Variants in LGR4 observed in about 807,000 individuals in gnomAD.
LGR4 encodes leucine rich repeat containing G protein-coupled receptor 4.
LGR4 carries 44 observed loss-of-function variants against 84.8 expected under a neutral mutation model. The ratio of observed to expected loss-of-function variants is 0.52; its 90% CI spans 0.41 to 0.67. The LOEUF is 0.67. Among genes scored for constraint, LGR4 ranks in the 30% least tolerant of loss-of-function variants. The pLI is 0.00. For missense variants in LGR4, 1,032 were observed against 1,131.4 expected (o/e 0.91, Z 1.26); for synonymous variants, 429 against 434.3 (o/e 0.99, Z 0.15).
chr11:27,387,131 A>T (rs1863201893), intron 4 of LGR4, among the ~76,000 whole-genome samples: 1 of 152,200 alleles, frequency 6.6e-6, no homozygotes, highest in Non-Finnish European at 1.5e-5. Flanking sequence ...CATATTATAT[A>T]AATAAATATT....
At chr11:27,424,395 A>C (rs1863982019) in intron 1 of LGR4, among the ~76,000 whole-genome samples, 1 of 152,184 alleles carries the variant, frequency 6.6e-6, no homozygotes, top group Non-Finnish European at 1.5e-5. Flanking sequence ...GGCTACTCAG[A>C]GGCTGAGGTG....
rs182551376 is a variant in LGR4 at position 27,370,800 on chromosome 11, A to G, written c.1579+815T>C. 3.9e-5 allele frequency among the ~76,000 whole-genome samples: 6 copies of G among 152,308 alleles called. No individual in the cohort carries two copies. The East Asian group carries it at 9.7e-4, about 25-fold the overall frequency. On this transcript the variant is annotated intron_variant, in intron 17 of 17. Coordinates refer to ENST00000379214, the MANE Select transcript of LGR4 (RefSeq NM_018490.5). ...ATTCTCTGGCACATGAACTCCAGTG[A>G]GACAAGTAAGCAAGCTGCACCCCAA...
intron 2 of LGR4, among the ~76,000 whole-genome samples, chr11:27,400,591 C>T (rs1158518996): frequency 7.9e-5 from 12 of 151,926 alleles, no homozygotes; most frequent in Non-Finnish European, 1.6e-4. Flanking sequence ...CAACCTCTAC[C>T]TCCCAGGTTC....
At chr11:27,393,621 T>G (rs1863326269) in intron 2 of LGR4, among the ~76,000 whole-genome samples, 1 of 152,016 alleles carries the variant, frequency 6.6e-6, no homozygotes, top group Non-Finnish European at 1.5e-5. Flanking sequence ...TCCTATTCCC[T>G]CCCTAAAAAC....
In LGR4 at chr11:27,373,581, G is replaced by A. The variant is rs766236725; in HGVS notation, c.1349C>T (p.Ala450Val). The change falls in exon 15 of 18, where the codon GCC (alanine) becomes GTC (valine). Residue 450 changes from alanine to valine, a missense_variant. Physicochemically the swap from Ala to Val is moderately conservative, Grantham distance 64. Coordinates refer to ENST00000379214, the MANE Select transcript of LGR4 (RefSeq NM_018490.5). ...GTTAACAAAGTCTTTTGCTGCTAAG[G>A]CTTCTTTCAGCTTGAAGTTGCCCAC... Reference protein sequence around the residue: ...KLVGNFKLKEALAAKDFVNLR... With the variant: ...KLVGNFKLKEVLAAKDFVNLR... 5 of 1,595,372 alleles carry A rather than the reference G, an allele frequency of 3.1e-6. No homozygotes were observed. Among genetic ancestry groups the A allele is most frequent in the East Asian group, 2.2e-5 (1 of 44,472 alleles).
intron 1 of LGR4, among the ~76,000 whole-genome samples, chr11:27,431,159 A>G (rs78037389): frequency 0.023 from 3,549 of 152,292 alleles, 133 homozygotes; most frequent in African/African-American, 0.081. Context: ...ATTAGAAAAC[A>G]AACTTTCTTC....
intron 1 of LGR4, among the ~76,000 whole-genome samples, chr11:27,433,106 C>A (rs1392601003): frequency 1.3e-5 from 2 of 152,118 alleles, no homozygotes; most frequent in East Asian, 1.9e-4. Flanking sequence ...AAAACACGAA[C>A]CATATTGGAT....
intron 1 of LGR4, among the ~76,000 whole-genome samples, chr11:27,461,878 CTGTCG>C (rs1489157359): frequency 8.0e-6 from 1 of 124,268 alleles, no homozygotes; most frequent in African/African-American, 3.0e-5. Context: ...GAGTCTCACT[CTGTCG>C]TCCAGGCTGG....
At chr11:27,436,302 C>T (rs57688006) in intron 1 of LGR4, among the ~76,000 whole-genome samples, 11,461 of 141,586 alleles carry the variant, frequency 0.081, 1,293 homozygotes, top group African/African-American at 0.26. Context: ...CGAATCACTA[C>T]ACCATAATGC....
At chr11:27,443,127 C>T (rs530564794) in intron 1 of LGR4, among the ~76,000 whole-genome samples, 1 of 152,228 alleles carries the variant, frequency 6.6e-6, no homozygotes, top group East Asian at 1.9e-4. Flanking sequence ...CACAAGGATG[C>T]CTCAAAAATG....
chr11:27,452,568 C>T (rs1439382077), intron 1 of LGR4, among the ~76,000 whole-genome samples: 1 of 124,624 alleles, frequency 8.0e-6, no homozygotes, highest in East Asian at 2.9e-4. Context: ...TTCGCCAACA[C>T]TATAATTTTG....
chr11:27,441,665 T>C (rs1038182537), intron 1 of LGR4, among the ~76,000 whole-genome samples: 1 of 152,146 alleles, frequency 6.6e-6, no homozygotes, highest in Non-Finnish European at 1.5e-5. Flanking sequence ...AGAGAGGGGC[T>C]GTAGTCAGAG....
chr11:27,449,128 C>T lies in LGR4; in HGVS notation c.185+22990G>A, dbSNP rs369967909. Among the ~76,000 whole-genome samples the T allele has an allele frequency of 5.3e-5, 8 of 152,258 alleles. No homozygotes were observed. The East Asian group carries it at 1.2e-3, about 22-fold the overall frequency. Reference sequence around the variant, plus strand: ...TCTTCATCCAAGAGAACATGCTGCCCATCATCAACACTGTCCAGTATTTAT... The same window carrying T: ...TCTTCATCCAAGAGAACATGCTGCCTATCATCAACACTGTCCAGTATTTAT... On this transcript the variant is annotated intron_variant, in intron 1 of 17. Coordinates refer to ENST00000379214, the MANE Select transcript of LGR4 (RefSeq NM_018490.5).
Position 27,368,164 on chromosome 11 carries a change from G to A in LGR4, c.2559C>T (p.Gly853=). ...CGCAGCAGTCGCAAACAGTCAGGTT[G>A]CCCTGCAAATGTGAGTACATGCCAC... The part of the protein sequence containing the change: ...YDCGMYSHLQ[G]NLTVCDCCES... The change falls in exon 18 of 18, where the codon GGC becomes GGT. Residue 853 remains glycine (G), a synonymous_variant. Coordinates refer to ENST00000379214, the MANE Select transcript of LGR4 (RefSeq NM_018490.5). 3 of 1,614,236 alleles carry A rather than the reference G, an allele frequency of 1.9e-6. No individual in the cohort carries two copies. The highest frequency in any genetic ancestry group is 2.5e-6 in the Non-Finnish European group (3 of 1,180,044).
intron 1 of LGR4, among the ~76,000 whole-genome samples, chr11:27,462,759 T>C (rs1165836852): frequency 6.6e-6 from 1 of 152,068 alleles, no homozygotes; most frequent in Non-Finnish European, 1.5e-5. Flanking sequence ...TAATGCAAGC[T>C]GCCTCTTCTT....
chr11:27,380,373 A>C, intron 9 of LGR4, 34 bp from the exon 10 acceptor site: 1 of 1,532,782 alleles, frequency 6.5e-7, no homozygotes. Context: ...GGTAATTTTT[A>C]AATTTTTTTT....
chr11:27,434,236 T>C (rs1441289104), intron 1 of LGR4, among the ~76,000 whole-genome samples: 2 of 152,212 alleles, frequency 1.3e-5, no homozygotes, highest in Non-Finnish European at 2.9e-5. Flanking sequence ...AAAGAGAGGC[T>C]ATTTGTTCTG....
chr11:27,404,033 G>A (rs181206083), intron 2 of LGR4, among the ~76,000 whole-genome samples: 21 of 152,264 alleles, frequency 1.4e-4, no homozygotes, highest in African/African-American at 5.1e-4. Flanking sequence ...ACTAAGAGTG[G>A]TCAATGTATG....
At chr11:27,419,703 T>C (rs985489746) in intron 1 of LGR4, among the ~76,000 whole-genome samples, 3 of 150,484 alleles carry the variant, frequency 2.0e-5, no homozygotes, top group Admixed American at 1.3e-4. Flanking sequence ...AATTAGTGAA[T>C]GGATAAAGAA....
Sources: gnomAD v4.1 joint callset for allele counts (sites outside exome capture counted in the v4.1 genomes callset) on GRCh38, gnomAD v4.1.1 for gene constraint, MANE v1.5 for transcripts, NCBI Gene and HGNC (gene_info 2026-07-23, HGNC 2026-07-21) for gene names.